The following CSMD1 variants were observed in gnomAD, a reference collection of about 807,000 sequenced individuals.
CSMD1 encodes CUB and sushi domain-containing protein 1.
Under a neutral mutation model 417.5 loss-of-function variants are expected in CSMD1, and 213 were observed. The observed-to-expected ratio is 0.51, with a 90% CI of 0.46 to 0.57. The LOEUF is 0.57. CSMD1 is among the 20% of genes least tolerant of loss of function. CSMD1 has a pLI of 0.00. For synonymous variants in CSMD1, 2,862 were observed against 1,736.8 expected, an observed-to-expected ratio of 1.65 and a Z score of -16.11; for missense variants, 6,923 against 4,529.7, an observed-to-expected ratio of 1.53 and a Z score of -15.17.
chr8:3,940,519 G>C (rs2627524), intron 5 of CSMD1, among the ~76,000 whole-genome samples: 1 of 148,784 alleles, frequency 6.7e-6, no homozygotes, highest in South Asian at 2.2e-4. Flanking sequence ...GTGTGTGTGT[G>C]TGTGTGTGTG....
At chr8:4,101,447 C>T (rs1248422954) in intron 3 of CSMD1, among the ~76,000 whole-genome samples, 2 of 152,280 alleles carry the variant, frequency 1.3e-5, no homozygotes, top group East Asian at 1.9e-4. Flanking sequence ...TACCCTTGTG[C>T]TCTGACACTG....
chr8:3,778,859 A>C (rs1323794606), intron 5 of CSMD1, among the ~76,000 whole-genome samples: 1 of 152,198 alleles, frequency 6.6e-6, no homozygotes, highest in Non-Finnish European at 1.5e-5. Flanking sequence ...TCAGTTGAGA[A>C]AACATGCTGC....
intron 5 of CSMD1, among the ~76,000 whole-genome samples, chr8:3,770,797 T>C (rs944261607): frequency 6.6e-6 from 1 of 152,074 alleles, no homozygotes; most frequent in Admixed American, 6.5e-5. Flanking sequence ...CTTTATACTC[T>C]CTCAACCATT....
At chr8:3,184,441 C>T (rs1447289163) in intron 36 of CSMD1, among the ~76,000 whole-genome samples, 1 of 152,260 alleles carries the variant, frequency 6.6e-6, no homozygotes, top group East Asian at 1.9e-4. Context: ...ACCAACGGTG[C>T]CATGCAAAAT....
At chr8:3,239,218 GATATAAAGGTTTCACTGA>G (rs754593620) in intron 26 of CSMD1, among the ~76,000 whole-genome samples, 29 of 152,222 alleles carry the variant, frequency 1.9e-4, no homozygotes, top group Admixed American at 7.2e-4. Flanking sequence ...GAGCGTAAGG[GATATAAAGGTTTCACTGA>G]ATACCAAGAG....
intron 5 of CSMD1, among the ~76,000 whole-genome samples, chr8:3,927,564 C>G (rs780626289): frequency 1.3e-5 from 2 of 149,574 alleles, no homozygotes; most frequent in Non-Finnish European, 3.0e-5. Flanking sequence ...ACTAGAGAGG[C>G]TGAGGCAGGA....
chr8:3,859,096 A>G (rs916967985), intron 5 of CSMD1, among the ~76,000 whole-genome samples: 1 of 152,186 alleles, frequency 6.6e-6, no homozygotes, highest in Non-Finnish European at 1.5e-5. Context: ...ATCCATGCAC[A>G]TTCAATCAGA....
At chr8:2,966,492 A>T in intron 58 of CSMD1, 78 bp downstream of exon 58, 1 of 1,326,312 alleles carries the variant, frequency 7.5e-7, no homozygotes, top group South Asian at 1.4e-5. Flanking sequence ...ACAGTATAAC[A>T]CCTTAAAGTC....
At chr8:4,803,978 C>A (rs897070949) in intron 1 of CSMD1, among the ~76,000 whole-genome samples, 1 of 152,150 alleles carries the variant, frequency 6.6e-6, no homozygotes, top group African/African-American at 2.4e-5. Context: ...TATCGTAAGT[C>A]AAAGACGGCA....
chr8:4,934,041 T>C (rs966437029), intron 1 of CSMD1, among the ~76,000 whole-genome samples: 3 of 151,720 alleles, frequency 2.0e-5, no homozygotes, highest in Non-Finnish European at 4.4e-5. Context: ...ATGAGATAAA[T>C]GTGTTCTAGC....
At chr8:4,417,418 T>C (rs1015348170) in intron 3 of CSMD1, among the ~76,000 whole-genome samples, 1 of 152,058 alleles carries the variant, frequency 6.6e-6, no homozygotes, top group Non-Finnish European at 1.5e-5. Context: ...ACATAGATCT[T>C]AGAACTTTGG....
intron 3 of CSMD1, among the ~76,000 whole-genome samples, chr8:4,370,559 T>C (rs1802337809): frequency 6.6e-6 from 1 of 152,260 alleles, no homozygotes; most frequent in African/African-American, 2.4e-5. Context: ...TCTCTTTCTC[T>C]TGCTGGAATA....
intron 57 of CSMD1, among the ~76,000 whole-genome samples, chr8:2,972,402 G>A (rs1458956563): frequency 2.0e-5 from 3 of 152,118 alleles, no homozygotes. Flanking sequence ...TAATTGAGGA[G>A]TTTGCTTGTA....
intron 5 of CSMD1, among the ~76,000 whole-genome samples, chr8:3,937,210 C>A (rs370783165): frequency 5.9e-5 from 9 of 152,122 alleles, no homozygotes; most frequent in African/African-American, 2.2e-4. Flanking sequence ...GAAATGACAA[C>A]AAAAGATTGT....
rs553412649 is a variant in CSMD1, at chr8:4,992,176, A to G, written c.85+2156T>C. On this transcript the variant is annotated intron_variant, in intron 1 of 69. Transcript: ENST00000635120. ...TTGCAACCCCTGCCCTGTTCGCCCC[A>G]GAATCATCCAGAGCAGCCCCCGCCC... 3.1e-4 allele frequency among the ~76,000 whole-genome samples: 47 copies of G among 152,162 alleles called. No homozygotes were observed. The South Asian group carries it at 8.1e-3, about 26-fold the overall frequency.
chr8:3,646,584 G>A (rs1162078387), intron 7 of CSMD1, among the ~76,000 whole-genome samples: 1 of 152,150 alleles, frequency 6.6e-6, no homozygotes, highest in African/African-American at 2.4e-5. Flanking sequence ...TTCTCAGTAG[G>A]ACCGCCCAAA....
intron 1 of CSMD1, among the ~76,000 whole-genome samples, chr8:4,868,237 T>A (rs1030274008): frequency 3.9e-5 from 6 of 152,126 alleles, no homozygotes; most frequent in Admixed American, 2.6e-4. Context: ...TTAGTCGTAT[T>A]ATTTTCTTTC....
At chr8:3,034,637 C>A (rs1489206586) in intron 50 of CSMD1, among the ~76,000 whole-genome samples, 1 of 152,004 alleles carries the variant, frequency 6.6e-6, no homozygotes, top group Non-Finnish European at 1.5e-5. Context: ...AAAATCAATG[C>A]ATAATAGTTT....
chr8:3,793,994 G>C (rs917923461), intron 5 of CSMD1, among the ~76,000 whole-genome samples: 1 of 152,066 alleles, frequency 6.6e-6, no homozygotes, highest in Non-Finnish European at 1.5e-5. Context: ...TCCTCTTCCT[G>C]AACCCCTGCT....
Sources: gnomAD v4.1 joint callset for allele counts (sites outside exome capture counted in the v4.1 genomes callset) on GRCh38, gnomAD v4.1.1 for gene constraint, MANE v1.5 for transcripts, NCBI Gene and HGNC (gene_info 2026-07-23, HGNC 2026-07-21) for gene names.